HTR4: variants seen among roughly 807,000 people sequenced by gnomAD.
The protein encoded by HTR4 is 5-hydroxytryptamine receptor 4.
HTR4 carries 16 observed loss-of-function variants against 36.8 expected under a neutral mutation model. That is an observed-to-expected ratio of 0.43 (90% CI 0.29 to 0.66). The LOEUF (loss-of-function observed/expected upper bound fraction) is 0.66. HTR4 is among the 30% of genes least tolerant of loss of function. HTR4 has a pLI of 0.13. For synonymous variants in HTR4, 189 were observed against 185.1 expected (o/e 1.02, Z -0.17); for missense variants, 438 against 490.9 (o/e 0.89, Z 1.02).
intron 2 of HTR4, among the ~76,000 whole-genome samples, chr5:148,572,504 T>A (rs1179035672): frequency 1.3e-5 from 2 of 152,034 alleles, no homozygotes; most frequent in African/African-American, 2.4e-5. Flanking sequence ...GTAAAATACA[T>A]AATATGGAAT....
At chr5:148,647,019 A>G (rs1451082069) in intron 1 of HTR4, among the ~76,000 whole-genome samples, 1 of 152,198 alleles carries the variant, frequency 6.6e-6, no homozygotes. Flanking sequence ...CAGCACTTGA[A>G]AGACAATATG....
At chr5:148,500,943 G>A (rs950518255) in intron 6 of HTR4, among the ~76,000 whole-genome samples, 1 of 152,066 alleles carries the variant, frequency 6.6e-6, no homozygotes, top group African/African-American at 2.4e-5. Flanking sequence ...CAATATTATA[G>A]TAAACATAAA....
At chr5:148,534,940 G>A (rs1758742222) in intron 4 of HTR4, among the ~76,000 whole-genome samples, 1 of 152,088 alleles carries the variant, frequency 6.6e-6, no homozygotes, top group Non-Finnish European at 1.5e-5. Context: ...GGAGTTCCAA[G>A]CCATGATCTG....
intron 5 of HTR4, among the ~76,000 whole-genome samples, chr5:148,461,415 A>T (rs1012633476): frequency 6.6e-6 from 1 of 152,038 alleles, no homozygotes; most frequent in Non-Finnish European, 1.5e-5. Context: ...GAGTAAATGG[A>T]TGGAGAAATA....
intron 2 of HTR4, among the ~76,000 whole-genome samples, chr5:148,566,953 C>T (rs925721128): frequency 3.3e-5 from 5 of 151,508 alleles, no homozygotes; most frequent in African/African-American, 4.9e-5. Context: ...TGCTAATCCA[C>T]AAAAAATTGT....
At chr5:148,525,669 A>T (rs1758234993) in intron 4 of HTR4, among the ~76,000 whole-genome samples, 1 of 152,194 alleles carries the variant, frequency 6.6e-6, no homozygotes, top group African/African-American at 2.4e-5. Context: ...TTACCCATCA[A>T]GTCCTCACTC....
At chr5:148,578,384 T>A (rs1761007269) in intron 2 of HTR4, among the ~76,000 whole-genome samples, 1 of 152,100 alleles carries the variant, frequency 6.6e-6, no homozygotes, top group Non-Finnish European at 1.5e-5. Flanking sequence ...GTCCTAGGCA[T>A]CCTGAAGAGT....
intron 4 of HTR4, among the ~76,000 whole-genome samples, chr5:148,535,736 T>C (rs902704658): frequency 1.3e-5 from 2 of 152,094 alleles, no homozygotes; most frequent in African/African-American, 4.8e-5. Flanking sequence ...TATAGGATTA[T>C]GAAAAGAGGC....
At chr5:148,576,036 T>C (rs1760885388) in intron 2 of HTR4, among the ~76,000 whole-genome samples, 1 of 133,830 alleles carries the variant, frequency 7.5e-6, no homozygotes, top group African/African-American at 2.9e-5. Context: ...TTCAGCAAAG[T>C]TTCAGGATAC....
At chr5:148,473,639 C>T (rs1755626946), downstream of HTR4, among the ~76,000 whole-genome samples, 1 of 152,070 alleles carries the variant, frequency 6.6e-6, no homozygotes, top group Non-Finnish European at 1.5e-5. Flanking sequence ...GGTGTTTGTT[C>T]AGTGGCCATT....
Position 148,465,561 on chromosome 5 carries a change from C to T in HTR4, c.1077-14289G>A, listed in dbSNP as rs572867752. On this transcript the variant is annotated intron_variant, in intron 5 of 5. Coordinates refer to the HTR4 transcript ENST00000521530. ...AGGACTTCTAAGAATCACAGTTATACTGGGTGATTTCAGCTCCATCGCAGT... is the reference window on the plus strand; with the variant it reads ...AGGACTTCTAAGAATCACAGTTATATTGGGTGATTTCAGCTCCATCGCAGT... Among the ~76,000 whole-genome samples the T allele has an allele frequency of 3.2e-4, 49 of 152,326 alleles. 1 individual carries two copies. The highest frequency in any genetic ancestry group is 1.1e-3 in the African/African-American group (46 of 41,570).
intron 2 of HTR4, among the ~76,000 whole-genome samples, chr5:148,601,408 T>C (rs1761991382): frequency 6.6e-6 from 1 of 152,218 alleles, no homozygotes; most frequent in Non-Finnish European, 1.5e-5. Flanking sequence ...CGCAGCATTT[T>C]TCATAATAGC....
intron 5 of HTR4, among the ~76,000 whole-genome samples, chr5:148,452,563 C>A (rs1754999867): frequency 1.3e-5 from 2 of 152,176 alleles, no homozygotes; most frequent in Non-Finnish European, 1.5e-5. Flanking sequence ...AAAGAATTAT[C>A]TGGCCCAAAA....
intron 5 of HTR4, among the ~76,000 whole-genome samples, chr5:148,520,113 C>T (rs950992174): frequency 1.3e-5 from 2 of 152,148 alleles, no homozygotes; most frequent in Non-Finnish European, 2.9e-5. Flanking sequence ...TCCCTGGAAG[C>T]AAAGATTCAG....
At chr5:148,548,628 C>T (rs202195791) in intron 4 of HTR4, 40 bp downstream of exon 4, 17 of 1,493,078 alleles carry the variant, frequency 1.1e-5, no homozygotes, top group Non-Finnish European at 1.6e-5. Context: ...AGTCATGTCT[C>T]CAGCATGGAG....
At chr5:148,512,872 A>G (rs945247392) in intron 5 of HTR4, among the ~76,000 whole-genome samples, 1 of 152,206 alleles carries the variant, frequency 6.6e-6, no homozygotes, top group East Asian at 1.9e-4. Context: ...CAGAGGTTGC[A>G]GTGAGCTAAG....
rs568794016 is a variant in HTR4 at position 148,577,842 on chromosome 5, G to A, written c.27-27580C>T. ...GAGGGTGGAGGGTGAGAGGAGGGAG[G>A]AGAGCAGAAAAGATAACTATTGGGT... is the stretch of plus-strand genomic sequence containing the variant. On this transcript the variant is annotated intron_variant, in intron 2 of 6. Coordinates refer to ENST00000377888, the MANE Select transcript of HTR4 (RefSeq NM_000870.7). Among the ~76,000 whole-genome samples, 1,042 of 152,000 alleles carry A rather than the reference G, an allele frequency of 6.9e-3. 11 individuals are homozygous for A. Among genetic ancestry groups the A allele is most frequent in the African/African-American group, 0.024 (1,001 of 41,508 alleles).
At chr5:148,551,086 G>A (rs1759661462) in intron 2 of HTR4, among the ~76,000 whole-genome samples, 1 of 151,790 alleles carries the variant, frequency 6.6e-6, no homozygotes, top group Non-Finnish European at 1.5e-5. Flanking sequence ...ATAAACATCA[G>A]CAAGGAGCCC....
intron 2 of HTR4, among the ~76,000 whole-genome samples, chr5:148,633,149 C>T (rs1213707832): frequency 6.6e-6 from 1 of 152,106 alleles, no homozygotes; most frequent in African/African-American, 2.4e-5. Flanking sequence ...TACCAAGGGA[C>T]AGGACTCATC....
Sources: gnomAD v4.1 joint callset for allele counts (sites outside exome capture counted in the v4.1 genomes callset) on GRCh38, gnomAD v4.1.1 for gene constraint, MANE v1.5 for transcripts, NCBI Gene and HGNC (gene_info 2026-07-23, HGNC 2026-07-21) for gene names.